The following SEMA5B variants were observed in gnomAD, a reference collection of about 807,000 sequenced individuals.
SEMA5B encodes semaphorin-5B.
SEMA5B carries 66 observed loss-of-function variants against 135.0 expected under a neutral mutation model. The ratio of observed to expected loss-of-function variants is 0.49; its 90% CI spans 0.40 to 0.60. The LOEUF (loss-of-function observed/expected upper bound fraction) is 0.60. Among genes scored for constraint, SEMA5B ranks in the 20% least tolerant of loss-of-function variants. SEMA5B has a pLI of 0.00. For synonymous variants in SEMA5B, 690 were observed against 639.5 expected, an observed-to-expected ratio of 1.08 and a Z score of -1.19; for missense variants, 1,501 against 1,566.3, an observed-to-expected ratio of 0.96 and a Z score of 0.70.
At chr3:122,982,167 G>T (rs1473864536) in intron 1 of SEMA5B, among the ~76,000 whole-genome samples, 1 of 152,230 alleles carries the variant, frequency 6.6e-6, no homozygotes, top group Admixed American at 6.5e-5. Context: ...AGCAGCAGCT[G>T]GTTGGCCTGA....
intron 5 of SEMA5B, 78 bp downstream of exon 5, chr3:122,939,347 G>A (rs1939450771): frequency 1.8e-6 from 2 of 1,141,582 alleles, no homozygotes; most frequent in East Asian, 2.3e-5. Flanking sequence ...AATTCTGAAT[G>A]GCGCCACTTG....
chr3:122,982,032 G>C (rs1941536364), intron 1 of SEMA5B, among the ~76,000 whole-genome samples: 1 of 152,192 alleles, frequency 6.6e-6, no homozygotes, highest in Non-Finnish European at 1.5e-5. Flanking sequence ...GGAGGGCTTT[G>C]GCTGCACTTA....
At chr3:122,938,283 G>A (rs947503807) in intron 5 of SEMA5B, among the ~76,000 whole-genome samples, 19 of 152,264 alleles carry the variant, frequency 1.2e-4, no homozygotes, top group Admixed American at 1.0e-3. Flanking sequence ...TGGATGGATG[G>A]GCAGGCTGGC....
At chr3:122,955,550 G>A (rs369056691) in intron 2 of SEMA5B, among the ~76,000 whole-genome samples, 11 of 152,222 alleles carry the variant, frequency 7.2e-5, no homozygotes, top group South Asian at 2.1e-4. Context: ...TTTCTAACAC[G>A]TCTGTCTGAT....
At position 123,027,748 on chromosome 3, in the gene SEMA5B, C is replaced by A. The variant is rs1366671599; in HGVS notation, c.-323G>T. On this transcript the variant is annotated 5_prime_UTR_variant, in exon 1 of 23. Coordinates refer to ENST00000357599, the MANE Select transcript of SEMA5B (RefSeq NM_001031702.4). ...TCCAACTAGCTCCCGACCCGGCGCT[C>A]GGAGAGAGCAGGGAGGAGGAGACCG... 1.3e-5 allele frequency: 2 copies of A among 151,978 alleles called. No individual in the cohort carries two copies. The highest frequency in any genetic ancestry group is 2.1e-4 in the South Asian group (1 of 4,824). 9.4% of individuals were successfully genotyped at this position (151,978 alleles called of 1,614,324 possible).
At chr3:122,947,618 A>G (rs1221845493) in intron 3 of SEMA5B, among the ~76,000 whole-genome samples, 1 of 152,194 alleles carries the variant, frequency 6.6e-6, no homozygotes, top group East Asian at 1.9e-4. Context: ...ACTGGCTCTG[A>G]CAAGCCTCTC....
At chr3:122,927,758 A>C in intron 8 of SEMA5B, 32 bp downstream of exon 8, 2 of 1,367,684 alleles carry the variant, frequency 1.5e-6, no homozygotes, top group Non-Finnish European at 1.9e-6. Context: ...AAACCAGGGG[A>C]GTCCCCACCC....
At chr3:122,970,959 C>T (rs1272622270) in intron 1 of SEMA5B, among the ~76,000 whole-genome samples, 1 of 152,212 alleles carries the variant, frequency 6.6e-6, no homozygotes, top group African/African-American at 2.4e-5. Flanking sequence ...AGGGGCATTT[C>T]ACAGGAAGGG....
At chr3:122,937,158 T>TGG (rs1432416212) in intron 5 of SEMA5B, among the ~76,000 whole-genome samples, 4 of 152,224 alleles carry the variant, frequency 2.6e-5, no homozygotes, top group Admixed American at 6.5e-5. Flanking sequence ...GGGGGCACCC[T>TGG]GGCCCAGCCG....
chr3:122,961,434 C>A, intron 1 of SEMA5B, 133 bp from the exon 2 acceptor site: 4 of 782,494 alleles, frequency 5.1e-6, no homozygotes, highest in Non-Finnish European at 3.9e-6. Context: ...GCTGCTTTAA[C>A]AAATCACCAC....
rs547079363 is a variant in SEMA5B, at chr3:122,928,902, G to T, written c.537+94C>A. On this transcript the variant is annotated intron_variant, in intron 6 of 22. Transcript: ENST00000357599. ...TCATCCTGGCCAGGCCTCTCTAGCAGGGGACCTCAGTCCACACAGTGCTGC... is the reference window on the plus strand; with the variant it reads ...TCATCCTGGCCAGGCCTCTCTAGCATGGGACCTCAGTCCACACAGTGCTGC... 41 of 1,281,484 alleles carry T rather than the reference G, an allele frequency of 3.2e-5. 1 individual carries two copies. Among genetic ancestry groups the T allele is most frequent in the Middle Eastern group, 4.7e-4 (2 of 4,284 alleles). The allele number at this position is 1,281,484 out of a possible 1,614,324, so 79.4% of individuals were successfully genotyped here. A position where few individuals can be genotyped will look rare whatever the true frequency, so the allele number is the denominator to read the frequency against.
At chr3:122,976,956 A>G (rs529994409) in intron 1 of SEMA5B, among the ~76,000 whole-genome samples, 1 of 152,326 alleles carries the variant, frequency 6.6e-6, no homozygotes, top group African/African-American at 2.4e-5. Flanking sequence ...AGGCTGAAGC[A>G]CAAGAATCAC....
intron 1 of SEMA5B, among the ~76,000 whole-genome samples, chr3:122,996,398 C>T (rs760872609): frequency 5.9e-5 from 9 of 152,204 alleles, no homozygotes; most frequent in East Asian, 5.8e-4. Flanking sequence ...CCTGGATTGT[C>T]GCAGGCTCCC....
At chr3:123,017,577 A>G (rs1942590816) in intron 1 of SEMA5B, among the ~76,000 whole-genome samples, 1 of 152,136 alleles carries the variant, frequency 6.6e-6, no homozygotes, top group Non-Finnish European at 1.5e-5. Flanking sequence ...AGTGTCTCCA[A>G]CTGTAGCATG....
chr3:122,992,417 T>A (rs1021677473), intron 1 of SEMA5B, among the ~76,000 whole-genome samples: 1 of 152,026 alleles, frequency 6.6e-6, no homozygotes, highest in Non-Finnish European at 1.5e-5. Flanking sequence ...CTAGCAGGGG[T>A]TATGCAGCAA....
intron 1 of SEMA5B, among the ~76,000 whole-genome samples, chr3:122,989,050 C>T (rs1049979423): frequency 1.3e-5 from 2 of 152,188 alleles, no homozygotes; most frequent in Admixed American, 6.5e-5. Flanking sequence ...GACAGAAGTC[C>T]CTCTTCTCCA....
intron 1 of SEMA5B, among the ~76,000 whole-genome samples, chr3:122,991,542 G>A (rs570392176): frequency 4.6e-5 from 7 of 152,272 alleles, no homozygotes; most frequent in South Asian, 2.1e-4. Context: ...GTCCCCTTCC[G>A]CCACATCAAG....
At chr3:122,910,669 G>A (rs923808012) in intron 22 of SEMA5B, among the ~76,000 whole-genome samples, 171 bp downstream of exon 22, 4 of 151,942 alleles carry the variant, frequency 2.6e-5, no homozygotes, top group African/African-American at 7.2e-5. Flanking sequence ...AATTAGCCGG[G>A]CGTAGTGGCG....
chr3:122,984,762 A>C (rs927511939), intron 1 of SEMA5B, among the ~76,000 whole-genome samples: 1 of 152,238 alleles, frequency 6.6e-6, no homozygotes, highest in Admixed American at 6.5e-5. Context: ...ACTTAAAAAA[A>C]AGTAATTAAA....
Sources: allele counts gnomAD v4.1 joint callset (sites outside exome capture counted in the v4.1 genomes callset), GRCh38; gene constraint gnomAD v4.1.1; transcripts MANE v1.5; gene names NCBI Gene and HGNC (gene_info 2026-07-23, HGNC 2026-07-21).